The following TMEM50B variants were observed in gnomAD, a reference collection of about 807,000 sequenced individuals.
TMEM50B encodes the protein transmembrane protein 50B, also known as HCV p7-trans-regulated protein 3.
TMEM50B carries 14 observed loss-of-function variants against 23.4 expected under a neutral mutation model. The ratio of observed to expected loss-of-function variants is 0.60; its 90% CI spans 0.39 to 0.93. TMEM50B has a LOEUF of 0.93. TMEM50B is among the 40% of genes least tolerant of loss of function. The probability of loss-of-function intolerance (pLI) is 0.00; values close to 1 mark genes in which losing one functional copy is unlikely to be tolerated. For synonymous variants in TMEM50B, 64 were observed against 62.3 expected (o/e 1.03, Z -0.13); for missense variants, 159 against 193.0 (o/e 0.82, Z 1.04).
At chr21:33,444,716 G>T (rs2084037344), downstream of TMEM50B, among the ~76,000 whole-genome samples, 1 of 141,372 alleles carries the variant, frequency 7.1e-6, no homozygotes, top group Non-Finnish European at 1.5e-5. Flanking sequence ...TTGAGCTCAA[G>T]AGTTCCAGGT....
intron 8 of TMEM50B, among the ~76,000 whole-genome samples, chr21:33,436,283 C>T (rs1217285496): frequency 6.6e-6 from 1 of 151,368 alleles, no homozygotes; most frequent in Non-Finnish European, 1.5e-5. Flanking sequence ...GAGATGAGAT[C>T]GTGTCATTGC....
At chr21:33,478,954 T>C in intron 1 of TMEM50B, 1 of 381,590 alleles carries the variant, frequency 2.6e-6, no homozygotes, top group Non-Finnish European at 5.3e-6. Flanking sequence ...TACAGCGCGA[T>C]GTAAGACGAT....
intron 2 of TMEM50B, among the ~76,000 whole-genome samples, chr21:33,468,163 T>G (rs1017830083): frequency 2.0e-5 from 3 of 151,284 alleles, no homozygotes; most frequent in African/African-American, 7.3e-5. Flanking sequence ...AGCTGGATGA[T>G]AGACACATGG....
intron 6 of TMEM50B, among the ~76,000 whole-genome samples, chr21:33,451,634 C>T (rs2084121185): frequency 6.6e-6 from 1 of 151,906 alleles, no homozygotes; most frequent in Non-Finnish European, 1.5e-5. Flanking sequence ...CACTCCAGGG[C>T]CATGAGTTGA....
downstream of TMEM50B, among the ~76,000 whole-genome samples, chr21:33,446,300 G>A (rs772252379): frequency 6.8e-6 from 1 of 147,934 alleles, no homozygotes; most frequent in Admixed American, 6.8e-5. Flanking sequence ...ACAGTGGCTT[G>A]ATCTGAGCTC....
intron 7 of TMEM50B, among the ~76,000 whole-genome samples, chr21:33,442,884 C>A (rs979534170): frequency 2.0e-5 from 3 of 151,686 alleles, no homozygotes; most frequent in Non-Finnish European, 4.4e-5. Flanking sequence ...CGTGCCACTG[C>A]ACTCCAGCCT....
intron 7 of TMEM50B, among the ~76,000 whole-genome samples, chr21:33,441,088 A>G (rs1479068640): frequency 6.8e-6 from 1 of 147,928 alleles, no homozygotes; most frequent in Non-Finnish European, 1.5e-5. Context: ...AAATCAGCCC[A>G]GCGCAGTGGC....
At chr21:33,469,811 T>G (rs887507230) in intron 1 of TMEM50B, 2 of 152,160 alleles carry the variant, frequency 1.3e-5, no homozygotes, top group African/African-American at 4.8e-5. Context: ...TATAGCACCA[T>G]CCCAAAAGTT....
intron 1 of TMEM50B, among the ~76,000 whole-genome samples, chr21:33,472,900 A>G (rs886899650): frequency 6.6e-6 from 1 of 152,098 alleles, no homozygotes; most frequent in African/African-American, 2.4e-5. Context: ...AATAAATGAA[A>G]ATTTCTCAAA....
At chr21:33,474,357 G>A (rs749746907) in intron 1 of TMEM50B, among the ~76,000 whole-genome samples, 3 of 151,768 alleles carry the variant, frequency 2.0e-5, no homozygotes, top group Non-Finnish European at 2.9e-5. Context: ...TTTTTAATAA[G>A]AGTAAAATAA....
At chr21:33,451,827 TTTC>T (rs1174332095) in intron 6 of TMEM50B, among the ~76,000 whole-genome samples, 2 of 123,596 alleles carry the variant, frequency 1.6e-5, no homozygotes, top group African/African-American at 7.6e-5. Context: ...TAACAAGGAG[TTTC>T]TTAAGGCCAA....
chr21:33,466,989 G>C (rs377401566), intron 3 of TMEM50B, 21 bp downstream of exon 3: 7 of 1,592,834 alleles, frequency 4.4e-6, no homozygotes, highest in Non-Finnish European at 5.2e-6. Context: ...ACCTTGAATA[G>C]AGAATTATCT....
At chr21:33,468,439 A>G (rs765983856) in intron 2 of TMEM50B, 87 of 192,022 alleles carry the variant, frequency 4.5e-4, no homozygotes, top group Admixed American at 1.8e-3. Flanking sequence ...CTGACCTTCA[A>G]TAAGTCACAA....
chr21:33,467,069 T>A lies in TMEM50B; in HGVS notation c.153A>T (p.Pro51=), dbSNP rs376175281. ...TGTGAAAGGCATGGTTCAACTGTTC[T>A]GGCTTAGGATACACCACAGCTGCAT... is the stretch of plus-strand genomic sequence containing the variant. The part of the protein sequence containing the change: ...MIDAAVVYPK[P]EQLNHAFHTC... The change falls in exon 3 of 7, where the codon CCA becomes CCT. Residue 51 remains proline (P), a synonymous_variant. Coordinates refer to ENST00000542230, the MANE Select transcript of TMEM50B (RefSeq NM_006134.7). The A allele has an allele frequency of 2.0e-5, 32 of 1,614,130 alleles. No homozygotes were observed. The highest frequency in any genetic ancestry group is 5.3e-5 in the African/African-American group (4 of 74,948).
chr21:33,455,780 A>C lies in TMEM50B; in HGVS notation c.378T>G (p.Thr126=), dbSNP rs766303961. Residue 126 remains threonine (T), a synonymous_variant, in exon 6 of 7, where the codon ACT becomes ACG. Transcript: ENST00000542230. The part of the protein sequence containing the change: ...ILFGAYVTQN[T]DVYPGLAVFF... ...ACACAGCTAGTCCCGGATAAACATCAGTATCTACATACACAAAGTAAAACA... is the reference window on the plus strand; with the variant it reads ...ACACAGCTAGTCCCGGATAAACATCCGTATCTACATACACAAAGTAAAACA... The C allele has an allele frequency of 4.3e-6, 7 of 1,613,550 alleles. No homozygotes were observed. The highest frequency in any genetic ancestry group is 4.2e-6 in the Non-Finnish European group (5 of 1,179,496).
intron 7 of TMEM50B, among the ~76,000 whole-genome samples, chr21:33,439,513 G>T (rs2083989654): frequency 6.6e-6 from 1 of 151,746 alleles, no homozygotes; most frequent in Admixed American, 6.6e-5. Flanking sequence ...CAGAGTAGCT[G>T]GGATTACAGA....
At chr21:33,465,483 A>G (rs1388492231) in intron 3 of TMEM50B, 74 bp from the exon 4 acceptor site, 1 of 1,125,142 alleles carries the variant, frequency 8.9e-7, no homozygotes, top group East Asian at 2.5e-5. Flanking sequence ...TATAACACTT[A>G]GACGGAAAAC....
chr21:33,458,828 T>C (rs1383895345), intron 5 of TMEM50B, among the ~76,000 whole-genome samples: 1 of 152,240 alleles, frequency 6.6e-6, no homozygotes, highest in African/African-American at 2.4e-5. Context: ...GTAGTATTTT[T>C]AATTAACTAA....
intron 7 of TMEM50B, among the ~76,000 whole-genome samples, chr21:33,442,624 C>T (rs2084017637): frequency 6.6e-6 from 1 of 152,050 alleles, no homozygotes; most frequent in Non-Finnish European, 1.5e-5. Context: ...ACAACATAAA[C>T]ATCAAATGAT....
Sources: allele counts gnomAD v4.1 joint callset (sites outside exome capture counted in the v4.1 genomes callset), GRCh38; gene constraint gnomAD v4.1.1; transcripts MANE v1.5; gene names NCBI Gene and HGNC (gene_info 2026-07-23, HGNC 2026-07-21).